SHLD2: variants seen among roughly 807,000 people sequenced by gnomAD.
The protein encoded by SHLD2 is RINN1-REV7-interacting novel NHEJ regulator 2.
SHLD2 carries 30 observed loss-of-function variants against 73.2 expected under a neutral mutation model. The observed-to-expected ratio is 0.41, with a 90% CI of 0.31 to 0.56. The LOEUF (loss-of-function observed/expected upper bound fraction) is 0.56, where lower values mean the gene tolerates loss of function less well. Ranked by LOEUF, SHLD2 falls within the 20% of genes least tolerant of loss-of-function variation. The pLI, the probability that SHLD2 is intolerant of heterozygous loss-of-function variation, is 0.28. For synonymous variants in SHLD2, 285 were observed against 370.1 expected (o/e 0.77, Z 2.64); for missense variants, 745 against 1,055.9 (o/e 0.71, Z 4.08).
At chr10:87,177,889 A>G (rs1248216183) in intron 7 of SHLD2, among the ~76,000 whole-genome samples, 2 of 152,188 alleles carry the variant, frequency 1.3e-5, no homozygotes, top group Admixed American at 1.3e-4. Context: ...AGTTGTGTAA[A>G]TTTACAAAAT....
intron 7 of SHLD2, among the ~76,000 whole-genome samples, chr10:87,178,404 C>T (rs1010327092): frequency 7.9e-5 from 12 of 151,684 alleles, no homozygotes; most frequent in Non-Finnish European, 4.4e-5. Context: ...AAATAAAAAT[C>T]GAAATTTTTT....
intron 2 of SHLD2, among the ~76,000 whole-genome samples, chr10:87,110,733 G>A (rs1429459353): frequency 7.9e-5 from 12 of 151,444 alleles, no homozygotes; most frequent in Admixed American, 3.3e-4. Flanking sequence ...ACTATAAAAC[G>A]CTTAGAAGGA....
chr10:87,184,675 G>A (rs922162034), intron 8 of SHLD2, among the ~76,000 whole-genome samples: 11 of 151,894 alleles, frequency 7.2e-5, no homozygotes, highest in Non-Finnish European at 1.2e-4. Flanking sequence ...CTCCCCTGTC[G>A]TCCAGCACTC....
rs183036243 is a variant in SHLD2, at chr10:87,187,620, A to G, written c.2515+420A>G. On this transcript the variant is annotated intron_variant, in intron 9 of 9. Coordinates refer to ENST00000298786, the MANE Select transcript of SHLD2 (RefSeq NM_001330112.2). The stretch of plus-strand genomic sequence containing the variant: ...AGATAATATATTTGTCAGGTATTCA[A>G]ACTCCATTCCTGTTCTCATTAGCCT... Among the ~76,000 whole-genome samples, 130 of 152,342 alleles carry G rather than the reference A, an allele frequency of 8.5e-4. 2 individuals are homozygous for G. The highest frequency in any genetic ancestry group is 1.6e-4 in the Non-Finnish European group (11 of 68,040).
At chr10:87,150,849 T>C (rs567517227) in intron 2 of SHLD2, among the ~76,000 whole-genome samples, 2 of 151,956 alleles carry the variant, frequency 1.3e-5, no homozygotes, top group South Asian at 2.1e-4. Flanking sequence ...TTTTTTGAGA[T>C]GGAGTCTCAC....
At chr10:87,140,419 C>CA (rs59414161) in intron 2 of SHLD2, among the ~76,000 whole-genome samples, 36,153 of 101,628 alleles carry the variant, frequency 0.36, 5,261 homozygotes, top group Admixed American at 0.42. Context: ...GAACCTATCT[C>CA]AAAAAAAAAA....
At chr10:87,141,759 G>A (rs117085776) in intron 2 of SHLD2, among the ~76,000 whole-genome samples, 98 of 152,236 alleles carry the variant, frequency 6.4e-4, no homozygotes, top group African/African-American at 2.3e-3. Flanking sequence ...GGCCCAGCAC[G>A]GTGGCTCATG....
chr10:87,150,929 C>T (rs1331015596), intron 2 of SHLD2, among the ~76,000 whole-genome samples: 1 of 151,886 alleles, frequency 6.6e-6, no homozygotes, highest in African/African-American at 2.4e-5. Context: ...TGGGTTCAAG[C>T]GATTCTTCTG....
At chr10:87,155,768 G>C (rs3129499) in intron 3 of SHLD2, among the ~76,000 whole-genome samples, 1 of 152,066 alleles carries the variant, frequency 6.6e-6, no homozygotes, top group Non-Finnish European at 1.5e-5. Context: ...TGTTAACAAC[G>C]AGGTAACATT....
intron 4 of SHLD2, among the ~76,000 whole-genome samples, chr10:87,160,728 G>A (rs1292267524): frequency 1.3e-5 from 2 of 152,124 alleles, no homozygotes; most frequent in African/African-American, 4.8e-5. Flanking sequence ...GGTGGCTCAC[G>A]CCTGTAATCC....
At chr10:87,094,814 C>T, upstream of SHLD2, 1 of 1,456,892 alleles carries the variant, frequency 6.9e-7, no homozygotes, top group Non-Finnish European at 9.3e-7. This position sits in a 1 kb window ranked among gnomAD's most constrained non-coding sequence, Gnocchi z 6.6. Flanking sequence ...GAAACAGGCG[C>T]GCTTTCTCAG....
At chr10:87,111,299 A>G (rs1186511693) in intron 2 of SHLD2, among the ~76,000 whole-genome samples, 1 of 152,012 alleles carries the variant, frequency 6.6e-6, no homozygotes, top group Non-Finnish European at 1.5e-5. Flanking sequence ...AGTAGCTGGG[A>G]CTGTAGGCAT....
At chr10:87,135,012 G>GT (rs564920044) in intron 2 of SHLD2, among the ~76,000 whole-genome samples, 11 of 151,554 alleles carry the variant, frequency 7.3e-5, no homozygotes, top group South Asian at 6.3e-4. Flanking sequence ...AGCTCCTACA[G>GT]TTTTTTTTTC....
chr10:87,178,831 A>G (rs1277992949), intron 7 of SHLD2, among the ~76,000 whole-genome samples: 1 of 152,202 alleles, frequency 6.6e-6, no homozygotes, highest in Non-Finnish European at 1.5e-5. Flanking sequence ...CTGCTAACTC[A>G]TGTAGGGATA....
At chr10:87,143,942 C>T (rs1845394214) in intron 2 of SHLD2, among the ~76,000 whole-genome samples, 1 of 150,360 alleles carries the variant, frequency 6.7e-6, no homozygotes, top group Admixed American at 6.6e-5. Context: ...TGGCTCACTG[C>T]AACCTCCACC....
At chr10:87,190,077 G>C (rs1427619010) in intron 9 of SHLD2, among the ~76,000 whole-genome samples, 4 of 152,190 alleles carry the variant, frequency 2.6e-5, no homozygotes, top group African/African-American at 4.8e-5. Context: ...TATTTATTTA[G>C]AGACAGAGTC....
At chr10:87,124,985 C>T (rs1236806192) in intron 2 of SHLD2, among the ~76,000 whole-genome samples, 1 of 152,038 alleles carries the variant, frequency 6.6e-6, no homozygotes, top group Non-Finnish European at 1.5e-5. Flanking sequence ...TCAGGTGATC[C>T]TCCTGCCTCG....
At chr10:87,117,096 T>C (rs567188723) in intron 2 of SHLD2, among the ~76,000 whole-genome samples, 25 of 152,338 alleles carry the variant, frequency 1.6e-4, no homozygotes, top group African/African-American at 6.0e-4. Flanking sequence ...CCCAAGTCTT[T>C]AGTGAACATC....
At chr10:87,179,103 A>G (rs910388281) in intron 7 of SHLD2, among the ~76,000 whole-genome samples, 2 of 152,210 alleles carry the variant, frequency 1.3e-5, no homozygotes, top group Non-Finnish European at 2.9e-5. Context: ...AGGAAAACTC[A>G]TAGACCTCAC....
Sources: allele counts gnomAD v4.1 joint callset (sites outside exome capture counted in the v4.1 genomes callset), GRCh38; gene constraint gnomAD v4.1.1; non-coding constraint Gnocchi (gnomAD v3.1); transcripts MANE v1.5; gene names NCBI Gene and HGNC (gene_info 2026-07-23, HGNC 2026-07-21).